The following GAS7 variants were observed in gnomAD, a reference collection of about 807,000 sequenced individuals.
GAS7 encodes growth arrest-specific protein 7.
In GAS7, 28 loss-of-function variants were observed where a neutral mutation model predicts 71.1. The ratio of observed to expected loss-of-function variants is 0.39; its 90% CI spans 0.29 to 0.54. GAS7 has a LOEUF of 0.54. GAS7 is among the 20% of genes least tolerant of loss of function. The pLI is 0.62. For missense variants in GAS7, 436 were observed against 627.8 expected, an observed-to-expected ratio of 0.69 and a Z score of 3.27; for synonymous variants, 258 against 245.8, an observed-to-expected ratio of 1.05 and a Z score of -0.46.
At chr17:10,022,320 G>A (rs1217244385) in intron 1 of GAS7, among the ~76,000 whole-genome samples, 1 of 152,138 alleles carries the variant, frequency 6.6e-6, no homozygotes, top group Non-Finnish European at 1.5e-5. Context: ...TAGAACCAGA[G>A]GGGCAAGATG....
chr17:10,032,374 G>A (rs1385377327), intron 1 of GAS7, among the ~76,000 whole-genome samples: 1 of 152,028 alleles, frequency 6.6e-6, no homozygotes, highest in Non-Finnish European at 1.5e-5. Flanking sequence ...CCCTTCCCTA[G>A]CAGAATAAAA....
At position 9,969,780 on chromosome 17, in the gene GAS7, C is replaced by T. The variant is rs376871190; in HGVS notation, c.386-18G>A. On this transcript the variant is annotated intron_variant, in intron 3 of 13. Coordinates refer to ENST00000432992, the MANE Select transcript of GAS7 (RefSeq NM_201433.2). The surrounding 1 kb of genome is among the most constrained non-coding windows in gnomAD (Gnocchi z 5.5). Reference sequence around the variant, plus strand: ...TCCATTCACTGCAGGGACAGAGACACGGCTCAGATGCTGTGTGGGCCACAG... The same window carrying T: ...TCCATTCACTGCAGGGACAGAGACATGGCTCAGATGCTGTGTGGGCCACAG... 47 of 1,545,544 alleles carry T rather than the reference C, an allele frequency of 3.0e-5. No individual in the cohort carries two copies. Among genetic ancestry groups the T allele is most frequent in the East Asian group, 2.0e-4 (9 of 44,584 alleles).
intron 1 of GAS7, among the ~76,000 whole-genome samples, chr17:10,122,588 G>T (rs2073913761): frequency 6.6e-6 from 1 of 152,146 alleles, no homozygotes; most frequent in Non-Finnish European, 1.5e-5. Flanking sequence ...TGAAGAGGGG[G>T]GTTGAAAGCC....
At chr17:10,040,970 T>C (rs2072852204) in intron 1 of GAS7, among the ~76,000 whole-genome samples, 1 of 152,106 alleles carries the variant, frequency 6.6e-6, no homozygotes. Flanking sequence ...GAGACTAGCA[T>C]GGCCAACATG....
chr17:9,944,485 C>A (rs952758336), intron 6 of GAS7, among the ~76,000 whole-genome samples: 4 of 152,186 alleles, frequency 2.6e-5, no homozygotes, highest in African/African-American at 9.7e-5. Flanking sequence ...GGGTGGGTTG[C>A]ATCTCTCAGA....
At chr17:9,933,044 C>T (rs796937099) in intron 9 of GAS7, among the ~76,000 whole-genome samples, 20 of 151,970 alleles carry the variant, frequency 1.3e-4, no homozygotes, top group African/African-American at 3.9e-4. Flanking sequence ...TGGTGGCAGG[C>T]GCCTGTAGTC....
chr17:10,032,112 A>T (rs7216042), intron 1 of GAS7, among the ~76,000 whole-genome samples: 2 of 102,778 alleles, frequency 1.9e-5, no homozygotes, highest in East Asian at 3.0e-4. Flanking sequence ...GGAACCTCAG[A>T]AAAAAAAAAA....
intron 2 of GAS7, among the ~76,000 whole-genome samples, chr17:9,990,833 C>A (rs977595103): frequency 2.0e-5 from 3 of 152,108 alleles, no homozygotes; most frequent in African/African-American, 7.2e-5. Flanking sequence ...CTGCTGGGTG[C>A]CCTCTGGGTG....
intron 1 of GAS7, among the ~76,000 whole-genome samples, chr17:10,053,287 G>A (rs1482752364): frequency 6.6e-6 from 1 of 152,162 alleles, no homozygotes; most frequent in Non-Finnish European, 1.5e-5. Flanking sequence ...AATACATTTG[G>A]AAAAGACGTG....
intron 2 of GAS7, among the ~76,000 whole-genome samples, chr17:10,009,524 T>C (rs1354399028): frequency 1.3e-5 from 2 of 151,898 alleles, no homozygotes; most frequent in African/African-American, 2.4e-5. Flanking sequence ...AACACATTTA[T>C]AGATATAGAT....
chr17:10,086,823 C>A (rs905443992), intron 1 of GAS7, among the ~76,000 whole-genome samples: 1 of 152,138 alleles, frequency 6.6e-6, no homozygotes, highest in Non-Finnish European at 1.5e-5. Flanking sequence ...ACTTAGCCAC[C>A]AGCTCACGGG....
intron 4 of GAS7, among the ~76,000 whole-genome samples, chr17:9,961,840 G>A (rs1170892526): frequency 6.6e-6 from 1 of 152,192 alleles, no homozygotes; most frequent in African/African-American, 2.4e-5. Context: ...ATCCAAGCCT[G>A]CATAACTCTT....
chr17:10,166,005 CTTTTTCT>C lies in GAS7; in HGVS notation c.183+32196_183+32202del, dbSNP rs796631935. 1.2e-3 allele frequency among the ~76,000 whole-genome samples: 146 copies of C among 126,448 alleles called. 1 individual carries two copies. In the East Asian group the frequency reaches 0.035, roughly 30 times the overall value. The allele number at this position is 126,448 out of a possible 152,430, so 83.0% of individuals were successfully genotyped here. A position where few individuals can be genotyped will look rare whatever the true frequency, so the allele number is the denominator to read the frequency against. ...ACCCAGGACTCCTGGCTTTCTTTTT[CTTTTTCT>C]TTTTTTTTTTTTTCTTTTTCTTTTG... is the stretch of plus-strand genomic sequence containing the variant. On this transcript the variant is annotated intron_variant, in intron 1 of 13. Coordinates refer to ENST00000432992, the MANE Select transcript of GAS7 (RefSeq NM_201433.2).
chr17:10,142,445 T>C (rs1165885214), intron 1 of GAS7, among the ~76,000 whole-genome samples: 2 of 152,176 alleles, frequency 1.3e-5, no homozygotes, highest in African/African-American at 4.8e-5. Context: ...CTTGGCTCAC[T>C]GTAACCTCTG....
chr17:9,943,786 G>A (rs1174198635), intron 6 of GAS7, among the ~76,000 whole-genome samples: 1 of 152,198 alleles, frequency 6.6e-6, no homozygotes, highest in Non-Finnish European at 1.5e-5. Flanking sequence ...GAGGCCGGAG[G>A]AGAGAACAGG....
At chr17:10,180,794 T>G (rs1427452912) in intron 1 of GAS7, among the ~76,000 whole-genome samples, 1 of 152,070 alleles carries the variant, frequency 6.6e-6, no homozygotes, top group Non-Finnish European at 1.5e-5. Flanking sequence ...TTTCCCCATG[T>G]GAAGCCAAGT....
rs921699796 is a variant in GAS7 at position 9,911,120 on chromosome 17, G to A, written c.*6108C>T. Reference sequence around the variant, plus strand: ...GCCCCTGTCACTAAGGATGGCTGGCGTCCCTTTGAATGTCTGTCCCTGGGT... The same window carrying A: ...GCCCCTGTCACTAAGGATGGCTGGCATCCCTTTGAATGTCTGTCCCTGGGT... On this transcript the variant is annotated 3_prime_UTR_variant, in exon 14 of 14. Coordinates refer to ENST00000432992, the MANE Select transcript of GAS7 (RefSeq NM_201433.2). This position sits in a 1 kb window ranked among gnomAD's most constrained non-coding sequence, Gnocchi z 4.0. 8 of 232,940 alleles carry A rather than the reference G, an allele frequency of 3.4e-5. No individual in the cohort carries two copies. The highest frequency in any genetic ancestry group is 6.0e-5 in the East Asian group (1 of 16,562). The allele number at this position is 232,940 out of a possible 1,614,324, so 14.4% of individuals were successfully genotyped here. A position where few individuals can be genotyped will look rare whatever the true frequency, so the allele number is the denominator to read the frequency against.
chr17:10,173,237 G>A (rs1004290594), intron 1 of GAS7, among the ~76,000 whole-genome samples: 2 of 152,174 alleles, frequency 1.3e-5, no homozygotes, highest in African/African-American at 2.4e-5. Context: ...TCGGGATGAT[G>A]AAACTTCTGG....
At chr17:10,154,377 A>G (rs1382925788) in intron 1 of GAS7, among the ~76,000 whole-genome samples, 1 of 152,046 alleles carries the variant, frequency 6.6e-6, no homozygotes, top group Non-Finnish European at 1.5e-5. Context: ...GGTAGCAAAC[A>G]TCTGTGGTCT....
Sources: allele counts gnomAD v4.1 joint callset (sites outside exome capture counted in the v4.1 genomes callset), GRCh38; gene constraint gnomAD v4.1.1; non-coding constraint Gnocchi (gnomAD v3.1); transcripts MANE v1.5; gene names NCBI Gene and HGNC (gene_info 2026-07-23, HGNC 2026-07-21).